The following CHP1 variants were observed in gnomAD, a reference collection of about 807,000 sequenced individuals.
CHP1 encodes calcineurin like EF-hand protein 1.
Under a neutral mutation model 27.4 loss-of-function variants are expected in CHP1, and 11 were observed. The observed-to-expected ratio is 0.40, with a 90% CI of 0.25 to 0.67. The LOEUF (loss-of-function observed/expected upper bound fraction) is 0.67, where lower values mean the gene tolerates loss of function less well. Ranked by LOEUF, CHP1 falls within the 30% of genes least tolerant of loss-of-function variation. CHP1 has a pLI of 0.38. For synonymous variants in CHP1, 89 were observed against 87.4 expected (o/e 1.02, Z -0.10); for missense variants, 169 against 251.3 (o/e 0.67, Z 2.22).
chr15:41,234,941 C>T (rs566920340), intron 1 of CHP1, among the ~76,000 whole-genome samples: 22 of 152,220 alleles, frequency 1.4e-4, no homozygotes, highest in African/African-American at 5.1e-4. Flanking sequence ...GAATTAAGTA[C>T]AGATGTTTTG....
rs1166345856 is a variant in CHP1, at chr15:41,270,554, C to T, written c.350-3C>T. 1 of 1,612,788 alleles carries T rather than the reference C, an allele frequency of 6.2e-7. No individual in the cohort carries two copies. Among genetic ancestry groups the T allele is most frequent in the South Asian group, 1.1e-5 (1 of 91,056 alleles). ...TGACTAACTTTGTGTTTTTCCCTTA[C>T]AGTTGCTTTTCGACTATATGATTTG... On this transcript the variant is annotated splice_region_variant and splice_polypyrimidine_tract_variant and intron_variant, in intron 4 of 6. Transcript: ENST00000334660.
At chr15:41,272,278 A>T (rs2047493513) in intron 5 of CHP1, 2 of 151,694 alleles carry the variant, frequency 1.3e-5, no homozygotes, top group South Asian at 2.1e-4. Context: ...GAGTACAAGC[A>T]CGAGCCATCA....
intron 1 of CHP1, among the ~76,000 whole-genome samples, chr15:41,232,114 T>G (rs1027564412): frequency 6.6e-6 from 1 of 152,156 alleles, no homozygotes; most frequent in Non-Finnish European, 1.5e-5. Context: ...ATCTCATATA[T>G]GTATTGATTT....
At chr15:41,252,772 A>G (rs1289143499) in intron 2 of CHP1, among the ~76,000 whole-genome samples, 1 of 152,098 alleles carries the variant, frequency 6.6e-6, no homozygotes, top group Non-Finnish European at 1.5e-5. Context: ...AAAGAATGCC[A>G]TCGTACATGG....
At chr15:41,249,732 AAAGT>A (rs2047355572) in intron 2 of CHP1, among the ~76,000 whole-genome samples, 1 of 151,942 alleles carries the variant, frequency 6.6e-6, no homozygotes, top group Admixed American at 6.6e-5. Context: ...TTGGCCTCCC[AAAGT>A]GCTAAGATTA....
In CHP1 at chr15:41,274,109, T is replaced by C. The variant is rs975586743; in HGVS notation, c.411+3491T>C. 1.4e-4 allele frequency among the ~76,000 whole-genome samples: 22 copies of C among 151,980 alleles called. No homozygotes were observed. In the East Asian group the frequency reaches 1.8e-3, roughly 12 times the overall value. The stretch of plus-strand genomic sequence containing the variant: ...CTGAGTAGCTGGGACTATAGGCACC[T>C]GCCACCACGCCTGGCTAATTTTTGT... On this transcript the variant is annotated intron_variant, in intron 5 of 6. Coordinates refer to ENST00000334660, the MANE Select transcript of CHP1 (RefSeq NM_007236.5).
At chr15:41,268,107 A>G (rs2047471026) in intron 4 of CHP1, among the ~76,000 whole-genome samples, 1 of 152,162 alleles carries the variant, frequency 6.6e-6, no homozygotes, top group African/African-American at 2.4e-5. Flanking sequence ...CTTATGATCT[A>G]ATAAGAGAGA....
At chr15:41,246,607 C>T (rs1040843774) in intron 2 of CHP1, among the ~76,000 whole-genome samples, 48 of 145,118 alleles carry the variant, frequency 3.3e-4, no homozygotes, top group African/African-American at 8.1e-4. Context: ...TGCGAGCCAC[C>T]GTGCCTGGCC....
At chr15:41,266,287 G>A (rs1567010301) in intron 4 of CHP1, among the ~76,000 whole-genome samples, 2 of 151,248 alleles carry the variant, frequency 1.3e-5, no homozygotes, top group East Asian at 3.9e-4. Flanking sequence ...CCATCTCAAA[G>A]AATAATAATA....
intron 2 of CHP1, among the ~76,000 whole-genome samples, chr15:41,246,624 C>CTTTTTT (rs561426550): frequency 7.0e-5 from 4 of 57,284 alleles, no homozygotes; most frequent in Admixed American, 2.2e-4. Flanking sequence ...GGCCAAAAAG[C>CTTTTTT]TTTTTTTTTT....
intron 2 of CHP1, among the ~76,000 whole-genome samples, chr15:41,249,804 T>C (rs2047355951): frequency 6.6e-6 from 1 of 152,002 alleles, no homozygotes; most frequent in Non-Finnish European, 1.5e-5. Flanking sequence ...GTTGTAGTTA[T>C]TAGGAGAAAG....
chr15:41,241,734 T>C (rs932267778), intron 1 of CHP1, among the ~76,000 whole-genome samples: 3 of 152,210 alleles, frequency 2.0e-5, no homozygotes, highest in African/African-American at 7.2e-5. Flanking sequence ...CAGCCACACA[T>C]AGTGTGTCCT....
At position 41,231,316 on chromosome 15, in the gene CHP1, T is replaced by TC; in HGVS notation, c.-64dup. ...TCTTGACCCCTAGCCCTTCCTTCCC[T>TC]CCCTCCTTCCCTCCTGTCGCCGTCT... On this transcript the variant is annotated 5_prime_UTR_variant, in exon 1 of 7. Transcript: ENST00000334660. 1 of 1,454,496 alleles carries TC rather than the reference T, an allele frequency of 6.9e-7. No individual in the cohort carries two copies. Among genetic ancestry groups the TC allele is most frequent in the Non-Finnish European group, 9.5e-7 (1 of 1,057,378 alleles). 90.1% of individuals were successfully genotyped at this position (1,454,496 alleles called of 1,614,324 possible). A position where few individuals can be genotyped will look rare whatever the true frequency, so the allele number is the denominator to read the frequency against.
At chr15:41,277,943 G>A (rs1567013231) in intron 5 of CHP1, among the ~76,000 whole-genome samples, 1 of 151,840 alleles carries the variant, frequency 6.6e-6, no homozygotes, top group Admixed American at 6.6e-5. Context: ...GCAACAGAGC[G>A]AGACCCTGTC....
intron 1 of CHP1, among the ~76,000 whole-genome samples, chr15:41,235,814 C>T (rs1362459750): frequency 6.6e-6 from 1 of 152,148 alleles, no homozygotes; most frequent in Non-Finnish European, 1.5e-5. Context: ...TCAGGTTTCT[C>T]GTGCCTCCAA....
At chr15:41,259,829 C>A (rs1485719790) in intron 3 of CHP1, among the ~76,000 whole-genome samples, 1 of 152,030 alleles carries the variant, frequency 6.6e-6, no homozygotes. Context: ...CTTGGCTCAC[C>A]GCAACCTCTG....
rs559045538 is a variant in CHP1, at chr15:41,277,791, G to GAAAAA, written c.412-964_412-960dup. On this transcript the variant is annotated intron_variant, in intron 5 of 6. Transcript: ENST00000334660. ...CAACAAGAGTGAAACTCCGCCTCAG[G>GAAAAA]AAAAAAAAAAAAAAAAGGCATGGTT... Among the ~76,000 whole-genome samples, 311 of 117,910 alleles carry GAAAAA rather than the reference G, an allele frequency of 2.6e-3. 6 individuals are homozygous for GAAAAA. Among genetic ancestry groups the GAAAAA allele is most frequent in the African/African-American group, 9.6e-3 (291 of 30,212 alleles). The allele number at this position is 117,910 out of a possible 152,430, so 77.4% of individuals were successfully genotyped here. A position where few individuals can be genotyped will look rare whatever the true frequency, so the allele number is the denominator to read the frequency against.
In CHP1 at chr15:41,256,914, G is replaced by A; in HGVS notation, c.145G>A (p.Glu49Lys). ...TCAAGGTGATTCTCTTGGCAGCCGG[G>A]AAGATTTCCAGAGGATTCCAGAACT... Reference protein sequence around the residue: ...DKGENGTLSREDFQRIPELAI... With the variant: ...DKGENGTLSRKDFQRIPELAI... The change falls in exon 3 of 7, where the codon GAA becomes AAA. Residue 49 changes from glutamate to lysine, a missense_variant. Physicochemically the swap from Glu to Lys is moderately conservative, Grantham distance 56. Transcript: ENST00000334660. 1 of 1,614,086 alleles carries A rather than the reference G, an allele frequency of 6.2e-7. No homozygotes were observed. Among genetic ancestry groups the A allele is most frequent in the Non-Finnish European group, 8.5e-7 (1 of 1,179,944 alleles).
At chr15:41,271,416 G>C (rs933110050) in intron 5 of CHP1, among the ~76,000 whole-genome samples, 13 of 152,032 alleles carry the variant, frequency 8.6e-5, no homozygotes, top group Admixed American at 3.3e-4. Context: ...CGACAAGAGT[G>C]AAACTCCATC....
Sources: allele counts gnomAD v4.1 joint callset (sites outside exome capture counted in the v4.1 genomes callset), GRCh38; gene constraint gnomAD v4.1.1; transcripts MANE v1.5; gene names NCBI Gene and HGNC (gene_info 2026-07-23, HGNC 2026-07-21).